BRAF: variants seen among roughly 807,000 people sequenced by gnomAD.
BRAF encodes B-Raf proto-oncogene, serine/threonine kinase.
In BRAF, 16 loss-of-function variants were observed where a neutral mutation model predicts 104.6. The observed-to-expected ratio is 0.15, with a 90% CI of 0.10 to 0.23. The LOEUF is 0.23. Ranked by LOEUF, BRAF falls within the 10% of genes least tolerant of loss-of-function variation. The probability of loss-of-function intolerance (pLI) is 1.00; values close to 1 mark genes in which losing one functional copy is unlikely to be tolerated. For synonymous variants in BRAF, 310 were observed against 341.6 expected, an observed-to-expected ratio of 0.91 and a Z score of 1.02; for missense variants, 541 against 937.3, an observed-to-expected ratio of 0.58 and a Z score of 5.52.
intron 1 of BRAF, among the ~76,000 whole-genome samples, chr7:140,906,428 C>A (rs945951486): frequency 6.6e-6 from 1 of 152,196 alleles, no homozygotes; most frequent in Admixed American, 6.5e-5. Context: ...TCTCAAATTC[C>A]TGGGCTCAGG....
chr7:140,798,262 CT>C lies in BRAF; in HGVS notation c.980+2099del, dbSNP rs1025673669. Among the ~76,000 whole-genome samples the C allele has an allele frequency of 2.1e-4, 7 of 32,610 alleles. No homozygotes were observed. Among genetic ancestry groups the C allele is most frequent in the African/African-American group, 1.1e-3 (6 of 5,380 alleles). 21.4% of individuals were successfully genotyped at this position (32,610 alleles called of 152,430 possible). A position where few individuals can be genotyped will look rare whatever the true frequency, so the allele number is the denominator to read the frequency against. On this transcript the variant is annotated intron_variant, in intron 7 of 19. Transcript: ENST00000644969. ...TCTAGGACAGAATGCTGTATGGGGA[CT>C]TTTTTTTTCTTTTTTTTGAGACGGA...
At chr7:140,782,171 G>T (rs570222897) in intron 11 of BRAF, among the ~76,000 whole-genome samples, 53 of 152,208 alleles carry the variant, frequency 3.5e-4, no homozygotes, top group African/African-American at 1.3e-3. Flanking sequence ...TTGGTTTTCT[G>T]TCCTTGTGAT....
chr7:140,881,327 T>C (rs1812880788), intron 1 of BRAF, among the ~76,000 whole-genome samples: 1 of 152,224 alleles, frequency 6.6e-6, no homozygotes, highest in African/African-American at 2.4e-5. Context: ...TTAAAGCCTG[T>C]CATTGACTTA....
intron 3 of BRAF, among the ~76,000 whole-genome samples, chr7:140,827,922 G>T (rs530301836): frequency 3.9e-5 from 6 of 152,060 alleles, no homozygotes; most frequent in African/African-American, 1.2e-4. Flanking sequence ...TTGAGATGGA[G>T]TTTTGCTCTT....
rs1222752209 is a variant in BRAF at position 140,721,878 on chromosome 7, C to A, written c.*4616G>T. Reference sequence around the variant, plus strand: ...TTTGGGACAGGATGACTAACGCAGTCCAGCTTCATGTGCAATCAAGTCCCG... The same window carrying A: ...TTTGGGACAGGATGACTAACGCAGTACAGCTTCATGTGCAATCAAGTCCCG... On this transcript the variant is annotated 3_prime_UTR_variant, in exon 20 of 20. Transcript: ENST00000644969. 1 of 1,269,546 alleles carries A rather than the reference C, an allele frequency of 7.9e-7. No individual in the cohort carries two copies. Among genetic ancestry groups the A allele is most frequent in the Non-Finnish European group, 9.9e-7 (1 of 1,009,850 alleles). The allele number at this position is 1,269,546 out of a possible 1,614,324, so 78.6% of individuals were successfully genotyped here.
intron 5 of BRAF, among the ~76,000 whole-genome samples, chr7:140,806,742 T>C (rs1178675225): frequency 6.6e-6 from 1 of 152,196 alleles, no homozygotes; most frequent in Admixed American, 6.5e-5. Context: ...AAAAAATTAT[T>C]TGCTGCACAG....
chr7:140,877,291 G>A (rs2129099611), intron 1 of BRAF, among the ~76,000 whole-genome samples: 1 of 81,356 alleles, frequency 1.2e-5, no homozygotes, highest in South Asian at 5.8e-4. Flanking sequence ...TTTTTTAAGA[G>A]ATGGGGGGGG....
intron 2 of BRAF, among the ~76,000 whole-genome samples, chr7:140,836,452 T>C (rs1274805705): frequency 6.6e-6 from 1 of 152,148 alleles, no homozygotes; most frequent in Non-Finnish European, 1.5e-5. Flanking sequence ...AGGACCCTGC[T>C]ATGCTGCATC....
In BRAF at chr7:140,724,018, G is replaced by T. The variant is rs1287061599; in HGVS notation, c.*2476C>A. 4 of 1,043,744 alleles carry T rather than the reference G, an allele frequency of 3.8e-6. No homozygotes were observed. Among genetic ancestry groups the T allele is most frequent in the Admixed American group, 5.6e-5 (1 of 17,964 alleles). 64.7% of individuals were successfully genotyped at this position (1,043,744 alleles called of 1,614,324 possible). On this transcript the variant is annotated 3_prime_UTR_variant, in exon 20 of 20. Transcript: ENST00000644969. ...AGGTTTAAATATTTTATTTTTTAAG[G>T]TATCTATAAAAATCTCAATATGCTA...
At chr7:140,897,130 TGGA>T (rs1239905958) in intron 1 of BRAF, among the ~76,000 whole-genome samples, 5 of 151,566 alleles carry the variant, frequency 3.3e-5, no homozygotes, top group African/African-American at 4.9e-5. Flanking sequence ...AATGGTCACG[TGGA>T]AGAGTGAATG....
chr7:140,821,810 A>C (rs181999315), intron 3 of BRAF, among the ~76,000 whole-genome samples: 9 of 152,314 alleles, frequency 5.9e-5, no homozygotes, highest in Admixed American at 3.3e-4. Flanking sequence ...ACAATAGCAA[A>C]GGCATATGCA....
At chr7:140,843,053 CA>C (rs893522251) in intron 2 of BRAF, among the ~76,000 whole-genome samples, 2 of 152,126 alleles carry the variant, frequency 1.3e-5, no homozygotes, top group African/African-American at 4.8e-5. Flanking sequence ...AATCATAGCA[CA>C]ACTTCTACTT....
the BRAF span, among the ~76,000 whole-genome samples, chr7:140,713,994 C>T: frequency 6.6e-6 from 1 of 152,202 alleles, no homozygotes; most frequent in East Asian, 1.9e-4. Flanking sequence ...AGTACCCGGC[C>T]GTGTGAGGTG....
intron 17 of BRAF, chr7:140,749,047 T>C (rs1014329364): frequency 1.8e-4 from 83 of 471,912 alleles, no homozygotes; most frequent in Middle Eastern, 6.2e-4. Context: ...CTTGTAACTG[T>C]AGTTTCTAGT....
In BRAF at chr7:140,744,008, A is replaced by G. The variant is rs943256472; in HGVS notation, c.2113-4062T>C. Among the ~76,000 whole-genome samples, 3 of 152,376 alleles carry G rather than the reference A, an allele frequency of 2.0e-5. No individual in the cohort carries two copies. In the East Asian group the frequency reaches 5.8e-4, roughly 29 times the overall value. On this transcript the variant is annotated intron_variant, in intron 17 of 19. Transcript: ENST00000644969. ...TTGAGTGATATATAGTATGTGGTAA[A>G]GAATTAACCTTGCCCAAAGAGAGAG...
intron 13 of BRAF, 87 bp downstream of exon 12, chr7:140,777,904 G>T: frequency 7.9e-7 from 1 of 1,259,402 alleles, no homozygotes; most frequent in Non-Finnish European, 1.1e-6. Context: ...GAGTAAATCT[G>T]TAAAGCTAAT....
intron 1 of BRAF, among the ~76,000 whole-genome samples, chr7:140,851,135 G>C (rs933846666): frequency 6.6e-6 from 1 of 152,108 alleles, no homozygotes; most frequent in African/African-American, 2.4e-5. Context: ...GAATCCAGAA[G>C]TTTAGTGGTT....
intron 1 of BRAF, among the ~76,000 whole-genome samples, chr7:140,923,055 G>C (rs1369917119): frequency 2.0e-5 from 3 of 152,074 alleles, no homozygotes; most frequent in Admixed American, 2.0e-4. Flanking sequence ...AGAAATTTTA[G>C]AACAGATCAA....
chr7:140,739,427 TA>T (rs1796714558), intron 18 of BRAF, among the ~76,000 whole-genome samples: 1 of 150,118 alleles, frequency 6.7e-6, no homozygotes, highest in East Asian at 2.0e-4. Context: ...TTATTTAACA[TA>T]TTGGTTTACT....
Sources: gnomAD v4.1 joint callset for allele counts (sites outside exome capture counted in the v4.1 genomes callset) on GRCh38, gnomAD v4.1.1 for gene constraint, MANE v1.5 for transcripts, NCBI Gene and HGNC (gene_info 2026-07-23, HGNC 2026-07-21) for gene names.